Variants in ARHGEF26 observed in about 807,000 individuals in gnomAD.
ARHGEF26 encodes the protein Rho guanine nucleotide exchange factor 26, also known as Rho guanine nucleotide exchange factor (GEF) 26.
Under a neutral mutation model 89.4 loss-of-function variants are expected in ARHGEF26, and 59 were observed. That is an observed-to-expected ratio of 0.66 (90% CI 0.54 to 0.82). The LOEUF is 0.82. Ranked by LOEUF, ARHGEF26 falls within the 40% of genes least tolerant of loss-of-function variation. The probability of loss-of-function intolerance (pLI) is 0.00; values close to 1 mark genes in which losing one functional copy is unlikely to be tolerated. For missense variants in ARHGEF26, 1,234 were observed against 1,085.6 expected, an observed-to-expected ratio of 1.14 and a Z score of -1.92; for synonymous variants, 500 against 428.4, an observed-to-expected ratio of 1.17 and a Z score of -2.06.
chr3:154,187,415 T>G (rs1206216609), intron 6 of ARHGEF26, among the ~76,000 whole-genome samples: 3 of 151,082 alleles, frequency 2.0e-5, no homozygotes, highest in African/African-American at 7.3e-5. Flanking sequence ...TGTCTTGTCT[T>G]GAACTCCTGG....
chr3:154,253,544 G>C (rs1001469440), intron 13 of ARHGEF26, among the ~76,000 whole-genome samples: 2 of 152,190 alleles, frequency 1.3e-5, no homozygotes, highest in African/African-American at 4.8e-5. Flanking sequence ...TAAATTTTTA[G>C]CTATTATCAG....
At chr3:154,143,437 C>G (rs369449740) in intron 4 of ARHGEF26, among the ~76,000 whole-genome samples, 29 of 151,902 alleles carry the variant, frequency 1.9e-4, no homozygotes, top group African/African-American at 7.0e-4. Context: ...CTTCTACAAC[C>G]TTTTTAAAGC....
chr3:154,151,978 T>C (rs1469453127), intron 5 of ARHGEF26, among the ~76,000 whole-genome samples: 1 of 152,180 alleles, frequency 6.6e-6, no homozygotes, highest in Admixed American at 6.5e-5. Context: ...TTGTTAAGGA[T>C]CTAGATGAAT....
intron 8 of ARHGEF26, 30 bp from the exon 9 acceptor site, chr3:154,194,614 T>A: frequency 6.6e-7 from 1 of 1,506,758 alleles, no homozygotes; most frequent in Non-Finnish European, 9.1e-7. Context: ...AATAGATCAA[T>A]AAATTTTGTT....
chr3:154,173,420 C>T (rs1271170913), intron 6 of ARHGEF26, among the ~76,000 whole-genome samples: 1 of 152,128 alleles, frequency 6.6e-6, no homozygotes, highest in African/African-American at 2.4e-5. Flanking sequence ...CTTTCCTTTA[C>T]TCCTGTAATT....
intron 9 of ARHGEF26, among the ~76,000 whole-genome samples, chr3:154,198,354 C>A (rs1441021640): frequency 6.6e-6 from 1 of 152,130 alleles, no homozygotes. Flanking sequence ...AGCTACCATT[C>A]AATCCAGCAA....
chr3:154,136,265 T>G (rs1214386495), intron 4 of ARHGEF26, among the ~76,000 whole-genome samples: 1 of 97,290 alleles, frequency 1.0e-5, no homozygotes, highest in African/African-American at 6.4e-5. Flanking sequence ...TTAATTTTAA[T>G]TAAAGTATTT....
chr3:154,195,443 G>C (rs767227642), intron 9 of ARHGEF26, among the ~76,000 whole-genome samples: 2 of 152,186 alleles, frequency 1.3e-5, no homozygotes, highest in African/African-American at 4.8e-5. Context: ...GATGGGGCCA[G>C]TTCTGAGGCC....
chr3:154,226,805 AAACTT>A (rs1420113483), intron 11 of ARHGEF26, among the ~76,000 whole-genome samples: 4 of 152,154 alleles, frequency 2.6e-5, no homozygotes, highest in African/African-American at 9.7e-5. Flanking sequence ...CTTAGAGTGA[AAACTT>A]AAATCTGTGG....
At chr3:154,251,663 C>T (rs550567506) in intron 12 of ARHGEF26, among the ~76,000 whole-genome samples, 22 of 152,114 alleles carry the variant, frequency 1.4e-4, no homozygotes, top group Non-Finnish European at 2.5e-4. Flanking sequence ...AGAGGAGCCC[C>T]CACTGGAGGA....
chr3:154,121,999 G>C lies in ARHGEF26; in HGVS notation c.7G>C (p.Gly3Arg), dbSNP rs1200535479. The C allele has an allele frequency of 2.5e-6, 4 of 1,590,326 alleles. No homozygotes were observed. The highest frequency in any genetic ancestry group is 3.4e-6 in the Non-Finnish European group (4 of 1,162,068). ...CTGACTTCGAGGCCCGGCTATGGAC[G>C]GCGAGAGCGAGGTGGATTTTTCTAG... is the stretch of plus-strand genomic sequence containing the variant. MD[G>R]ESEVDFSSNS... Residue 3 changes from glycine to arginine, a missense_variant, in exon 2 of 15, where the codon GGC becomes CGC. Physicochemically the swap from Gly to Arg is moderately radical, Grantham distance 125. Transcript: ENST00000465093.
intron 9 of ARHGEF26, among the ~76,000 whole-genome samples, chr3:154,210,458 C>G (rs1270928835): frequency 1.3e-5 from 2 of 151,902 alleles, no homozygotes; most frequent in Non-Finnish European, 2.9e-5. Context: ...GGATTACAGG[C>G]ACTCACCACC....
intron 6 of ARHGEF26, among the ~76,000 whole-genome samples, chr3:154,170,584 T>A (rs1712368436): frequency 6.6e-6 from 1 of 152,228 alleles, no homozygotes; most frequent in African/African-American, 2.4e-5. Flanking sequence ...TTGTCCTGTG[T>A]GACCTTGAGC....
intron 8 of ARHGEF26, among the ~76,000 whole-genome samples, chr3:154,192,694 C>T (rs552327772): frequency 2.0e-5 from 3 of 152,078 alleles, no homozygotes; most frequent in Non-Finnish European, 1.5e-5. Flanking sequence ...AACTTTGGTC[C>T]ATATAAGGAA....
intron 10 of ARHGEF26, among the ~76,000 whole-genome samples, chr3:154,222,215 G>A (rs945679596): frequency 2.0e-5 from 3 of 152,128 alleles, no homozygotes; most frequent in African/African-American, 7.2e-5. Flanking sequence ...TTTCTAATTT[G>A]GAGGAAAGTA....
chr3:154,122,158 G>A lies in ARHGEF26; in HGVS notation c.166G>A (p.Gly56Arg). 5 of 1,600,764 alleles carry A rather than the reference G, an allele frequency of 3.1e-6. No homozygotes were observed. Among genetic ancestry groups the A allele is most frequent in the Non-Finnish European group, 4.3e-6 (5 of 1,173,722 alleles). ...LLITDFPVEDGGTLLAAQIPA... is the reference protein window; with the variant it reads ...LLITDFPVEDRGTLLAAQIPA... The stretch of plus-strand genomic sequence containing the variant: ...AATTACGGATTTCCCGGTGGAGGAC[G>A]GAGGGACGCTCCTCGCAGCGCAGAT... The change falls in exon 2 of 15, where the codon GGA becomes AGA. Residue 56 changes from glycine (G) to arginine (R), a missense_variant. Coordinates refer to ENST00000465093, the MANE Select transcript of ARHGEF26 (RefSeq NM_015595.4).
At chr3:154,229,868 A>G (rs1057277841) in intron 11 of ARHGEF26, among the ~76,000 whole-genome samples, 1 of 152,228 alleles carries the variant, frequency 6.6e-6, no homozygotes, top group African/African-American at 2.4e-5. Context: ...GTAATATTGT[A>G]TTATAAAAGT....
intron 7 of ARHGEF26, among the ~76,000 whole-genome samples, chr3:154,188,825 A>AT (rs1409482787): frequency 9.5e-6 from 1 of 105,486 alleles, no homozygotes; most frequent in Non-Finnish European, 1.8e-5. Flanking sequence ...TCTTCATGAC[A>AT]TTTTCATATA....
chr3:154,161,600 G>A (rs1393158353), intron 6 of ARHGEF26, among the ~76,000 whole-genome samples: 3 of 152,142 alleles, frequency 2.0e-5, no homozygotes, highest in African/African-American at 7.2e-5. Context: ...GCCAGCATTG[G>A]TCTAGGACTA....
Sources: gnomAD v4.1 joint callset for allele counts (sites outside exome capture counted in the v4.1 genomes callset) on GRCh38, gnomAD v4.1.1 for gene constraint, MANE v1.5 for transcripts, NCBI Gene and HGNC (gene_info 2026-07-23, HGNC 2026-07-21) for gene names.